KDM4B: variants seen among roughly 807,000 people sequenced by gnomAD.
The protein encoded by KDM4B is lysine-specific demethylase 4B.
A neutral mutation model predicts 125.2 loss-of-function variants in KDM4B; 32 were observed. The ratio of observed to expected loss-of-function variants is 0.26; its 90% CI spans 0.19 to 0.34. The LOEUF (loss-of-function observed/expected upper bound fraction) is 0.34. Among genes scored for constraint, KDM4B ranks in the 10% least tolerant of loss-of-function variants. The pLI is 1.00. For missense variants in KDM4B, 1,190 were observed against 1,577.7 expected (o/e 0.75, Z 4.16); for synonymous variants, 721 against 677.9 (o/e 1.06, Z -0.99).
At chr19:5,038,109 G>A (rs2036687325) in intron 3 of KDM4B, among the ~76,000 whole-genome samples, 1 of 152,216 alleles carries the variant, frequency 6.6e-6, no homozygotes, top group Non-Finnish European at 1.5e-5. Flanking sequence ...CAGATTCCTG[G>A]CAGATGAGCC....
intron 18 of KDM4B, among the ~76,000 whole-genome samples, chr19:5,143,180 C>G (rs1013903493): frequency 6.6e-6 from 1 of 152,028 alleles, no homozygotes; most frequent in African/African-American, 2.4e-5. Context: ...AAAAATTAGC[C>G]AGGCATGATG....
intron 10 of KDM4B, among the ~76,000 whole-genome samples, 153 bp downstream of exon 10, chr19:5,110,971 C>T (rs2039132554): frequency 6.6e-6 from 1 of 152,250 alleles, no homozygotes; most frequent in African/African-American, 2.4e-5. Flanking sequence ...TTTCGTCCTC[C>T]TCCTCCTGTT....
At chr19:5,121,603 G>GA (rs1345502617) in intron 11 of KDM4B, among the ~76,000 whole-genome samples, 1 of 152,124 alleles carries the variant, frequency 6.6e-6, no homozygotes, top group East Asian at 1.9e-4. Flanking sequence ...CTAGCAACCA[G>GA]AAATAATGGA....
chr19:5,070,859 C>T (rs550299666), intron 6 of KDM4B, 151 bp from the exon 7 acceptor site: 28 of 673,690 alleles, frequency 4.2e-5, no homozygotes, highest in South Asian at 1.3e-4. Flanking sequence ...CCCCCACCCC[C>T]GGCCATCCCC....
At chr19:4,996,624 C>G (rs760448658) in intron 1 of KDM4B, among the ~76,000 whole-genome samples, 1 of 152,054 alleles carries the variant, frequency 6.6e-6, no homozygotes, top group Non-Finnish European at 1.5e-5. Flanking sequence ...TCAGCTGTCC[C>G]CTGAGGTGGT....
rs913925229 is a variant in KDM4B at position 5,114,088 on chromosome 19, C to G, written c.1115+3270C>G. The stretch of plus-strand genomic sequence containing the variant: ...TCCTGGCGGGTGCCCTCAGCCTCCC[C>G]ACTCCCGGTGGCGCTGTGCGTTCTG... On this transcript the variant is annotated intron_variant, in intron 10 of 22. Transcript: ENST00000159111. The surrounding 1 kb of genome is among the most constrained non-coding windows in gnomAD (Gnocchi z 5.8). The G allele has an allele frequency of 1.4e-5, 18 of 1,289,410 alleles. No individual in the cohort carries two copies. In the Admixed American group the frequency reaches 4.1e-4, roughly 30 times the overall value. The allele number at this position is 1,289,410 out of a possible 1,614,324, so 79.9% of individuals were successfully genotyped here.
At chr19:5,129,332 T>C (rs528437138) in intron 11 of KDM4B, among the ~76,000 whole-genome samples, 67 of 151,956 alleles carry the variant, frequency 4.4e-4, no homozygotes, top group African/African-American at 1.5e-3. Context: ...CTGGGGTCAG[T>C]GTGGGTCAAG....
chr19:5,002,599 C>T (rs1045350838), intron 1 of KDM4B, among the ~76,000 whole-genome samples: 2 of 151,752 alleles, frequency 1.3e-5, no homozygotes, highest in Admixed American at 6.6e-5. Context: ...AGCAGTCTTC[C>T]TGCCTTGGCC....
rs372774078 is a variant in KDM4B at position 5,006,646 on chromosome 19, G to A, written c.-108-9611G>A. Among the ~76,000 whole-genome samples, 7 of 152,224 alleles carry A rather than the reference G, an allele frequency of 4.6e-5. No individual in the cohort carries two copies. The East Asian group carries it at 5.8e-4, about 13-fold the overall frequency. On this transcript the variant is annotated intron_variant, in intron 1 of 22. Transcript: ENST00000159111. ...AAATTAGCTGGGCATGGTGGCGCAT[G>A]CCTGTCATCCCAGCTACTTTGGAGG...
intron 9 of KDM4B, among the ~76,000 whole-genome samples, chr19:5,087,159 A>G (rs1023435096): frequency 1.3e-5 from 2 of 152,226 alleles, no homozygotes; most frequent in African/African-American, 4.8e-5. Context: ...ACTCCCCATC[A>G]GCAGAATGCC....
chr19:5,130,728 A>G (rs2039527055), intron 11 of KDM4B, among the ~76,000 whole-genome samples: 2 of 152,330 alleles, frequency 1.3e-5, no homozygotes, highest in South Asian at 2.1e-4. Context: ...CCCAGAAGAC[A>G]GAGCAGCCTC....
intron 6 of KDM4B, among the ~76,000 whole-genome samples, chr19:5,050,672 G>A (rs858420): frequency 3.4e-4 from 52 of 152,270 alleles, no homozygotes; most frequent in African/African-American, 1.0e-3. Flanking sequence ...AGGCTGAGGC[G>A]GTTGGATCAT....
chr19:5,132,466 G>C (rs775932481), intron 13 of KDM4B, among the ~76,000 whole-genome samples: 2 of 152,138 alleles, frequency 1.3e-5, no homozygotes, highest in African/African-American at 4.8e-5. Context: ...TTCTGCTTCG[G>C]CCTTTCATTG....
chr19:5,001,515 T>C (rs1262656729), intron 1 of KDM4B, among the ~76,000 whole-genome samples: 1 of 152,238 alleles, frequency 6.6e-6, no homozygotes, highest in Non-Finnish European at 1.5e-5. Flanking sequence ...GTTTCCAGGC[T>C]CTTACGGTGG....
chr19:5,143,096 C>T lies in KDM4B; in HGVS notation c.2551-871C>T, dbSNP rs558204078. Reference sequence around the variant, plus strand: ...ATCCCAGCACTTTAGGAGGTCAAGGCGGGAGGATCCCTTGAGCTCAGGAGT... The same window carrying T: ...ATCCCAGCACTTTAGGAGGTCAAGGTGGGAGGATCCCTTGAGCTCAGGAGT... On this transcript the variant is annotated intron_variant, in intron 18 of 22. Coordinates refer to ENST00000159111, the MANE Select transcript of KDM4B (RefSeq NM_015015.3). 1.3e-4 allele frequency among the ~76,000 whole-genome samples: 20 copies of T among 152,122 alleles called. No individual in the cohort carries two copies. The South Asian group carries it at 2.7e-3, about 21-fold the overall frequency.
intron 1 of KDM4B, among the ~76,000 whole-genome samples, chr19:4,974,193 C>T (rs558471090): frequency 2.2e-4 from 33 of 151,302 alleles, no homozygotes; most frequent in Non-Finnish European, 1.3e-4. Context: ...GTCAGGAGAT[C>T]GAGACCATCC....
At chr19:5,010,641 G>A (rs2035699418) in intron 1 of KDM4B, among the ~76,000 whole-genome samples, 1 of 152,084 alleles carries the variant, frequency 6.6e-6, no homozygotes, top group Non-Finnish European at 1.5e-5. Context: ...TTTATCAGTT[G>A]CATTTTATTT....
At chr19:5,111,256 C>T (rs576817151) in intron 10 of KDM4B, 17 of 660,242 alleles carry the variant, frequency 2.6e-5, no homozygotes, top group South Asian at 1.9e-4. Flanking sequence ...TGAGAGCAGT[C>T]GGGTTCCCTG....
intron 3 of KDM4B, among the ~76,000 whole-genome samples, chr19:5,038,521 G>A (rs915554263): frequency 2.6e-5 from 4 of 152,212 alleles, no homozygotes; most frequent in African/African-American, 9.6e-5. Context: ...ACCGGGTTCC[G>A]GCTGCAGTGC....
Sources: allele counts gnomAD v4.1 joint callset (sites outside exome capture counted in the v4.1 genomes callset), GRCh38; gene constraint gnomAD v4.1.1; non-coding constraint Gnocchi (gnomAD v3.1); transcripts MANE v1.5; gene names NCBI Gene and HGNC (gene_info 2026-07-23, HGNC 2026-07-21).